PAH: variants seen among roughly 807,000 people sequenced by gnomAD.
PAH encodes phenylalanine-4-hydroxylase.
In PAH, 64 loss-of-function variants were observed where a neutral mutation model predicts 62.0. The observed-to-expected ratio is 1.03, with a 90% CI of 0.84 to 1.27. PAH has a LOEUF of 1.27. PAH is among the 50% of genes most tolerant of loss of function. PAH has a pLI of 0.00. For synonymous variants in PAH, 195 were observed against 196.2 expected (o/e 0.99, Z 0.05); for missense variants, 579 against 542.8 (o/e 1.07, Z -0.66).
intron 8 of PAH, among the ~76,000 whole-genome samples, chr12:102,850,697 C>T (rs954012496): frequency 2.6e-5 from 4 of 152,130 alleles, no homozygotes; most frequent in Non-Finnish European, 4.4e-5. Context: ...ATCAGAACAC[C>T]ATTCAACCTT....
upstream of PAH, among the ~76,000 whole-genome samples, chr12:102,951,924 C>A (rs532450574): frequency 6.6e-6 from 1 of 152,054 alleles, no homozygotes; most frequent in Admixed American, 6.6e-5. Context: ...GGCTGATGTG[C>A]GGCTCGTTAC....
intron 5 of PAH, among the ~76,000 whole-genome samples, chr12:102,864,558 C>T (rs151258477): frequency 4.6e-5 from 7 of 151,980 alleles, no homozygotes; most frequent in African/African-American, 1.5e-4. Context: ...AACGAAAGCA[C>T]AAAAATGTTA....
At chr12:102,899,614 C>G (rs939025196) in intron 2 of PAH, among the ~76,000 whole-genome samples, 1 of 151,740 alleles carries the variant, frequency 6.6e-6, no homozygotes, top group African/African-American at 2.4e-5. Context: ...AATCCCAGCA[C>G]TTTGGGAGGC....
chr12:102,878,206 A>G (rs756845647), intron 3 of PAH, among the ~76,000 whole-genome samples: 13 of 152,220 alleles, frequency 8.5e-5, no homozygotes, highest in Non-Finnish European at 1.8e-4. Flanking sequence ...AGCTCATGAG[A>G]ACCCATCTTC....
At chr12:102,898,434 G>A (rs1047758571) in intron 2 of PAH, among the ~76,000 whole-genome samples, 29 of 152,044 alleles carry the variant, frequency 1.9e-4, no homozygotes, top group Non-Finnish European at 3.4e-4. Context: ...ACACATAATA[G>A]GGGTTATTCC....
intron 8 of PAH, among the ~76,000 whole-genome samples, chr12:102,851,438 A>G (rs1175890366): frequency 6.6e-6 from 1 of 152,210 alleles, no homozygotes; most frequent in East Asian, 1.9e-4. Context: ...CTCTAGCAGG[A>G]AAAATGAGAT....
intron 2 of PAH, among the ~76,000 whole-genome samples, chr12:102,910,529 C>T (rs1382200858): frequency 6.6e-6 from 1 of 152,070 alleles, no homozygotes; most frequent in Non-Finnish European, 1.5e-5. Flanking sequence ...CACCACCACG[C>T]CGGGCTAATT....
chr12:102,917,614 G>C (rs2136735191), upstream of PAH: 2 of 221,178 alleles, frequency 9.0e-6, no homozygotes, highest in East Asian at 2.2e-4. Context: ...AAACAGTCAG[G>C]ATTCTCATTT....
Position 102,938,245 on chromosome 12 carries a change from C to T in PAH, c.-96+12344G>A, listed in dbSNP as rs142715599. ...GTGCGTGAGCAAGAGGCCCCAGTGA[C>T]CACACTATTCCCATAGATCTTTGCA... On this transcript the variant is annotated intron_variant, in intron 1 of 3. Coordinates refer to the PAH transcript ENST00000546844. Among the ~76,000 whole-genome samples the T allele has an allele frequency of 2.6e-5, 4 of 152,240 alleles. No homozygotes were observed. The East Asian group carries it at 7.7e-4, about 29-fold the overall frequency.
chr12:102,867,910 CATGTATATACA>C (rs1876060748), intron 4 of PAH, among the ~76,000 whole-genome samples: 1 of 137,406 alleles, frequency 7.3e-6, no homozygotes, highest in East Asian at 2.3e-4. Flanking sequence ...TGTATATATA[CATGTATATACA>C]TATATAGATG....
At position 102,840,570 on chromosome 12, in the gene PAH, T is replaced by C. The variant is rs1309433517; in HGVS notation, c.1200-55A>G. On this transcript the variant is annotated intron_variant, in intron 11 of 12. Transcript: ENST00000553106. ...GGGCACCATTTGGAGAAAGGTAGTC[T>C]TAAGAGAGTTCTCAGTGGCATTTTA... 5.0e-6 allele frequency: 6 copies of C among 1,211,952 alleles called. No homozygotes were observed. The African/African-American group carries it at 6.0e-5, about 12-fold the overall frequency. 75.1% of individuals were successfully genotyped at this position (1,211,952 alleles called of 1,614,324 possible).
chr12:102,870,062 C>T lies in PAH; in HGVS notation c.442-3399G>A, dbSNP rs538763138. Among the ~76,000 whole-genome samples the T allele has an allele frequency of 1.1e-4, 16 of 151,940 alleles. No homozygotes were observed. The East Asian group carries it at 1.6e-3, about 15-fold the overall frequency. ...GAGGGGGAGGGGAGGGGATAGAAGA[C>T]GGGAGAAAGTCGAGAGAGTTCTACA... On this transcript the variant is annotated intron_variant, in intron 4 of 12. Coordinates refer to ENST00000553106, the MANE Select transcript of PAH (RefSeq NM_000277.3).
At chr12:102,916,871 A>C (rs1268948998) in intron 1 of PAH, among the ~76,000 whole-genome samples, 200 bp downstream of exon 1, 1 of 152,188 alleles carries the variant, frequency 6.6e-6, no homozygotes. Context: ...TGTGAAAGCC[A>C]CCGAGGACAG....
At chr12:102,956,437 G>A (rs1196173626) in intron 1 of PAH, among the ~76,000 whole-genome samples, 1 of 152,178 alleles carries the variant, frequency 6.6e-6, no homozygotes, top group Non-Finnish European at 1.5e-5. Context: ...GGCTGCAAGC[G>A]CCTCCCCCTC....
At chr12:102,890,308 A>T (rs951984965) in intron 3 of PAH, among the ~76,000 whole-genome samples, 2 of 152,178 alleles carry the variant, frequency 1.3e-5, no homozygotes, top group African/African-American at 4.8e-5. Flanking sequence ...AGAAAGAATC[A>T]AAGGTTCAGA....
At chr12:102,860,581 C>G (rs2136656172) in intron 5 of PAH, among the ~76,000 whole-genome samples, 1 of 152,278 alleles carries the variant, frequency 6.6e-6, no homozygotes, top group Non-Finnish European at 1.5e-5. Context: ...TGCCTTCAAA[C>G]TATACTACAA....
At chr12:102,889,452 T>C (rs1877182856) in intron 3 of PAH, among the ~76,000 whole-genome samples, 1 of 145,424 alleles carries the variant, frequency 6.9e-6, no homozygotes, top group African/African-American at 2.5e-5. Flanking sequence ...GATAGATAGA[T>C]GATAGATGAT....
intron 8 of PAH, among the ~76,000 whole-genome samples, chr12:102,849,841 A>T (rs1006042105): frequency 1.3e-5 from 2 of 152,160 alleles, no homozygotes; most frequent in African/African-American, 2.4e-5. Context: ...GTGGGAAGCA[A>T]GTCCTGCCTC....
chr12:102,923,680 AT>A (rs1278902588), intron 1 of PAH: 1 of 152,132 alleles, frequency 6.6e-6, no homozygotes, highest in African/African-American at 2.4e-5. Context: ...AGTAATTTCT[AT>A]TGTTATTTCT....
Sources: gnomAD v4.1 joint callset for allele counts (sites outside exome capture counted in the v4.1 genomes callset) on GRCh38, gnomAD v4.1.1 for gene constraint, MANE v1.5 for transcripts, NCBI Gene and HGNC (gene_info 2026-07-23, HGNC 2026-07-21) for gene names.